The following FGGY variants were observed in gnomAD, a reference collection of about 807,000 sequenced individuals.
FGGY encodes FGGY carbohydrate kinase domain-containing protein.
Under a neutral mutation model 71.3 loss-of-function variants are expected in FGGY, and 72 were observed. The ratio of observed to expected loss-of-function variants is 1.01; its 90% CI spans 0.84 to 1.23. FGGY has a LOEUF of 1.23. Ranked by LOEUF, FGGY falls within the 50% of genes most tolerant of loss-of-function variation. The pLI is 0.00. For synonymous variants in FGGY, 251 were observed against 250.3 expected, an observed-to-expected ratio of 1.00 and a Z score of -0.02; for missense variants, 668 against 682.3, an observed-to-expected ratio of 0.98 and a Z score of 0.23.
At chr1:59,532,643 G>A (rs551446980) in intron 7 of FGGY, among the ~76,000 whole-genome samples, 1 of 151,926 alleles carries the variant, frequency 6.6e-6, no homozygotes, top group Non-Finnish European at 1.5e-5. Context: ...GGCAAACTAC[G>A]AGTAGAAAGG....
chr1:59,739,601 C>G (rs553295775), intron 14 of FGGY, among the ~76,000 whole-genome samples: 31 of 152,170 alleles, frequency 2.0e-4, no homozygotes, highest in Non-Finnish European at 3.5e-4. Context: ...TAAACTTGCT[C>G]TCTTGGGCAG....
chr1:59,440,651 C>G (rs901882892), intron 5 of FGGY, among the ~76,000 whole-genome samples: 2 of 146,802 alleles, frequency 1.4e-5, no homozygotes, highest in African/African-American at 2.5e-5. Context: ...AATGTACCAT[C>G]CTTGCATCTA....
chr1:59,323,650 G>C (rs556102975), intron 2 of FGGY, among the ~76,000 whole-genome samples: 16 of 152,152 alleles, frequency 1.1e-4, no homozygotes, highest in Non-Finnish European at 2.2e-4. Context: ...CACTTACAAC[G>C]TTTATTAGGT....
chr1:59,614,165 T>A (rs1366249093), intron 9 of FGGY, among the ~76,000 whole-genome samples: 1 of 152,214 alleles, frequency 6.6e-6, no homozygotes, highest in African/African-American at 2.4e-5. Flanking sequence ...AGCATCATCC[T>A]GATACCAAAG....
intron 11 of FGGY, among the ~76,000 whole-genome samples, chr1:59,652,613 T>C (rs1173694109): frequency 7.0e-6 from 1 of 142,144 alleles, no homozygotes; most frequent in African/African-American, 2.8e-5. Context: ...TCGGCTCCTT[T>C]AAGCACTTCT....
intron 8 of FGGY, among the ~76,000 whole-genome samples, chr1:59,566,487 G>A (rs12069711): frequency 0.13 from 19,107 of 152,042 alleles, 1,392 homozygotes; most frequent in South Asian, 0.28. Flanking sequence ...AATGGTTAGA[G>A]CCCCAGGAGA....
chr1:59,379,190 CACAG>C (rs1260478164), intron 5 of FGGY, among the ~76,000 whole-genome samples: 4 of 150,786 alleles, frequency 2.7e-5, no homozygotes, highest in Non-Finnish European at 4.5e-5. Flanking sequence ...CACACACACA[CACAG>C]AGTCACGCAT....
intron 14 of FGGY, among the ~76,000 whole-genome samples, chr1:59,725,423 T>G (rs965037515): frequency 2.0e-5 from 3 of 152,226 alleles, no homozygotes; most frequent in Non-Finnish European, 4.4e-5. Context: ...CTGACTTTGT[T>G]CTTTTTCTTT....
chr1:59,591,827 A>T (rs1339276584), intron 8 of FGGY, among the ~76,000 whole-genome samples: 1 of 152,258 alleles, frequency 6.6e-6, no homozygotes, highest in African/African-American at 2.4e-5. Context: ...ACCTAAAACC[A>T]TAAAAACCCT....
intron 6 of FGGY, among the ~76,000 whole-genome samples, chr1:59,461,422 G>A (rs116728087): frequency 1.8e-4 from 27 of 152,346 alleles, no homozygotes; most frequent in African/African-American, 6.5e-4. Flanking sequence ...GGGACTATGT[G>A]AGAAGACCAT....
chr1:59,337,901 T>C (rs1291917099), intron 2 of FGGY, among the ~76,000 whole-genome samples: 1 of 152,212 alleles, frequency 6.6e-6, no homozygotes, highest in Non-Finnish European at 1.5e-5. Flanking sequence ...TAAGGTTGAA[T>C]AGAAGTGGTA....
At chr1:59,471,289 A>G (rs2092929019) in intron 6 of FGGY, among the ~76,000 whole-genome samples, 1 of 152,110 alleles carries the variant, frequency 6.6e-6, no homozygotes, top group Non-Finnish European at 1.5e-5. Context: ...TCCTTCCACC[A>G]TGATTCTAAG....
chr1:59,762,374 C>T (rs979504217), intron 15 of FGGY, 129 bp from the exon 16 acceptor site: 2 of 655,278 alleles, frequency 3.1e-6, no homozygotes, highest in African/African-American at 1.8e-5. Flanking sequence ...GCCCAGGATG[C>T]TGTAAGCATT....
intron 4 of FGGY, among the ~76,000 whole-genome samples, chr1:59,371,716 C>A (rs1201550955): frequency 6.6e-6 from 1 of 152,134 alleles, no homozygotes; most frequent in East Asian, 1.9e-4. Context: ...GTCTCTCAGA[C>A]CACAGTGCAA....
chr1:59,521,270 A>G (rs527574430), intron 7 of FGGY, among the ~76,000 whole-genome samples: 2 of 152,284 alleles, frequency 1.3e-5, no homozygotes, highest in South Asian at 2.1e-4. Flanking sequence ...CCGTGGCAAC[A>G]GCTCATGTGA....
intron 14 of FGGY, among the ~76,000 whole-genome samples, chr1:59,674,968 T>G (rs2153981045): frequency 6.6e-6 from 1 of 152,302 alleles, no homozygotes; most frequent in South Asian, 2.1e-4. Flanking sequence ...TTCCACTCCT[T>G]TATCTGTAAT....
chr1:59,421,560 C>T (rs979999363), intron 5 of FGGY, among the ~76,000 whole-genome samples: 1 of 151,052 alleles, frequency 6.6e-6, no homozygotes, highest in African/African-American at 2.4e-5. Flanking sequence ...TTTTCCCTCC[C>T]CTCCTCCTTC....
In FGGY at chr1:59,348,969, TA is replaced by T. The variant is rs1479987423; in HGVS notation, c.465+2573del. The stretch of plus-strand genomic sequence containing the variant: ...CATGTATAAAGTGGGAGAGTTGTAT[TA>T]ACCAGTTTGAAAACCTGACTCGGGT... On this transcript the variant is annotated intron_variant, in intron 4 of 15. Transcript: ENST00000303721. Among the ~76,000 whole-genome samples the T allele has an allele frequency of 1.1e-3, 171 of 152,250 alleles. 2 individuals are homozygous for T. The highest frequency in any genetic ancestry group is 5.9e-5 in the Non-Finnish European group (4 of 68,000).
At chr1:59,624,655 G>A (rs1245196492) in intron 9 of FGGY, among the ~76,000 whole-genome samples, 2 of 152,156 alleles carry the variant, frequency 1.3e-5, no homozygotes, top group African/African-American at 4.8e-5. Flanking sequence ...CGAAAGGCAT[G>A]TCTAACATGG....
Sources: allele counts gnomAD v4.1 joint callset (sites outside exome capture counted in the v4.1 genomes callset), GRCh38; gene constraint gnomAD v4.1.1; transcripts MANE v1.5; gene names NCBI Gene and HGNC (gene_info 2026-07-23, HGNC 2026-07-21).